AGXT2: variants seen among roughly 807,000 people sequenced by gnomAD.
The protein encoded by AGXT2 is alanine--glyoxylate aminotransferase 2, mitochondrial.
A neutral mutation model predicts 62.5 loss-of-function variants in AGXT2; 61 were observed. The observed-to-expected ratio is 0.98, with a 90% CI of 0.79 to 1.21. AGXT2 has a LOEUF of 1.21. Ranked by LOEUF, AGXT2 falls within the 50% of genes most tolerant of loss-of-function variation. The pLI is 0.00. For missense variants in AGXT2, 666 were observed against 641.5 expected, an observed-to-expected ratio of 1.04 and a Z score of -0.41; for synonymous variants, 243 against 218.7, an observed-to-expected ratio of 1.11 and a Z score of -0.98.
intron 9 of AGXT2, among the ~76,000 whole-genome samples, chr5:35,017,747 A>T (rs1172740287): frequency 6.6e-6 from 1 of 152,258 alleles, no homozygotes; most frequent in African/African-American, 2.4e-5. Context: ...AGTTGAGAGA[A>T]GAAGGCTTCA....
chr5:35,029,482 G>A (rs780648490), intron 7 of AGXT2, among the ~76,000 whole-genome samples: 15 of 152,120 alleles, frequency 9.9e-5, no homozygotes, highest in African/African-American at 1.9e-4. Context: ...ACTTTATTTC[G>A]CACTAGCTGC....
chr5:35,022,039 A>G (rs1276896725), intron 9 of AGXT2, among the ~76,000 whole-genome samples: 1 of 152,114 alleles, frequency 6.6e-6, no homozygotes, highest in Non-Finnish European at 1.5e-5. Flanking sequence ...ATCTCACACC[A>G]GTTAGAATGG....
intron 7 of AGXT2, among the ~76,000 whole-genome samples, chr5:35,029,864 A>G (rs1292394096): frequency 4.6e-5 from 7 of 152,156 alleles, no homozygotes; most frequent in African/African-American, 1.4e-4. Context: ...GGACAAATAA[A>G]TATACCATAT....
At chr5:35,012,610 A>G in intron 11 of AGXT2, 3 of 325,080 alleles carry the variant, frequency 9.2e-6, no homozygotes, top group South Asian at 8.7e-5. Context: ...GAAAAAATAC[A>G]CAAGAGAAGG....
chr5:35,013,340 A>T (rs895505390), intron 10 of AGXT2, among the ~76,000 whole-genome samples: 6 of 152,230 alleles, frequency 3.9e-5, no homozygotes, highest in South Asian at 2.1e-4. Context: ...TGGTTTTCTT[A>T]TAAGAAGAGG....
In AGXT2 at chr5:35,013,053, G is replaced by T; in HGVS notation, c.1097-8C>A. The T allele has an allele frequency of 6.4e-7, 1 of 1,551,188 alleles. No homozygotes were observed. The highest frequency in any genetic ancestry group is 1.2e-5 in the South Asian group (1 of 84,046). ...CCAAAGATTTGGCAATCTCTAGAGG[G>T]AGAAAATAGAAGGTGTGGAAAGAGG... On this transcript the variant is annotated splice_polypyrimidine_tract_variant and splice_region_variant and intron_variant, in intron 10 of 13. Coordinates refer to ENST00000231420, the MANE Select transcript of AGXT2 (RefSeq NM_031900.4).
intron 13 of AGXT2, among the ~76,000 whole-genome samples, chr5:35,003,060 A>G (rs1208065598): frequency 6.6e-6 from 1 of 152,128 alleles, no homozygotes; most frequent in Non-Finnish European, 1.5e-5. Context: ...CCCTGGGGAG[A>G]GGCTGTTGCT....
intron 7 of AGXT2, among the ~76,000 whole-genome samples, chr5:35,030,069 A>G (rs1767503552): frequency 6.6e-6 from 1 of 152,196 alleles, no homozygotes; most frequent in South Asian, 2.1e-4. Flanking sequence ...TGCTTTTGTA[A>G]ACATATATGA....
intron 7 of AGXT2, among the ~76,000 whole-genome samples, chr5:35,030,278 CG>C (rs1267746325): frequency 1.3e-5 from 2 of 152,090 alleles, no homozygotes. Flanking sequence ...GAGGCCAAGG[CG>C]AGCGGATCAC....
intron 11 of AGXT2, chr5:35,012,500 A>G (rs543689271): frequency 6.2e-6 from 1 of 161,350 alleles, no homozygotes. Context: ...GGCTAAATCA[A>G]TGGTGTAGGG....
intron 10 of AGXT2, 40 bp from the exon 11 acceptor site, chr5:35,013,085 T>A: frequency 6.6e-7 from 1 of 1,511,946 alleles, no homozygotes; most frequent in African/African-American, 1.4e-5. Context: ...GAGGGACACA[T>A]TCCTGTCCAC....
intron 1 of AGXT2, among the ~76,000 whole-genome samples, chr5:35,044,481 A>G (rs1768111131): frequency 6.6e-6 from 1 of 152,174 alleles, no homozygotes; most frequent in Non-Finnish European, 1.5e-5. Context: ...CTCTGGGTGC[A>G]AGGATGATGG....
intron 1 of AGXT2, among the ~76,000 whole-genome samples, chr5:35,045,779 T>C (rs564547165): frequency 1.3e-3 from 193 of 144,812 alleles, no homozygotes; most frequent in African/African-American, 4.7e-3. Context: ...TTTTTTTTTT[T>C]TTTTTTGAGA....
intron 12 of AGXT2, among the ~76,000 whole-genome samples, chr5:35,005,001 T>C (rs2112171083): frequency 6.6e-6 from 1 of 152,322 alleles, no homozygotes; most frequent in African/African-American, 2.4e-5. Context: ...TTCAGACTAT[T>C]GGATCAGAAA....
Position 35,047,939 on chromosome 5 carries a change from G to C in AGXT2, c.-47C>G. The C allele has an allele frequency of 6.2e-7, 1 of 1,612,022 alleles. No individual in the cohort carries two copies. The highest frequency in any genetic ancestry group is 2.2e-5 in the East Asian group (1 of 44,738). On this transcript the variant is annotated 5_prime_UTR_variant, in exon 1 of 14. Transcript: ENST00000231420. Reference sequence around the variant, plus strand: ...CCCCCATGGAAGCAGATTGGAGGCCGGGCTCTAACTGCTCACTATCCTGCT... The same window carrying C: ...CCCCCATGGAAGCAGATTGGAGGCCCGGCTCTAACTGCTCACTATCCTGCT...
At chr5:35,034,888 T>C (rs931259558) in intron 5 of AGXT2, among the ~76,000 whole-genome samples, 1 of 152,160 alleles carries the variant, frequency 6.6e-6, no homozygotes, top group Non-Finnish European at 1.5e-5. Flanking sequence ...GGAACAGTCA[T>C]TTACCACTTG....
In AGXT2 at chr5:35,014,019, C is replaced by A. The variant is rs1766749188; in HGVS notation, c.1064G>T (p.Gly355Val). 1 of 1,613,990 alleles carries A rather than the reference C, an allele frequency of 6.2e-7. No homozygotes were observed. The highest frequency in any genetic ancestry group is 1.3e-5 in the African/African-American group (1 of 74,892). Residue 355 changes from glycine to valine, a missense_variant, in exon 10 of 14, where the codon GGC (glycine) becomes GTC (valine). Physicochemically the swap from Gly to Val is moderately radical, Grantham distance 109. Coordinates refer to ENST00000231420, the MANE Select transcript of AGXT2 (RefSeq NM_031900.4). Reference sequence around the variant, plus strand: ...GGTTATGACTGCTGCCATGGGAAAGCCATTCCCAATCCCTTTAGCCATGGT... The same window carrying A: ...GGTTATGACTGCTGCCATGGGAAAGACATTCCCAATCCCTTTAGCCATGGT... ...IVTMAKGIGN[G>V]FPMAAVITTP...
At chr5:35,043,320 T>C (rs1036278161) in intron 1 of AGXT2, among the ~76,000 whole-genome samples, 2 of 152,142 alleles carry the variant, frequency 1.3e-5, no homozygotes, top group African/African-American at 4.8e-5. Context: ...AAAAAAAGAT[T>C]CTAAAATATT....
rs367861205 is a variant in AGXT2, at chr5:35,006,690, A to G, written c.1339-2829T>C. On this transcript the variant is annotated intron_variant, in intron 12 of 13. Transcript: ENST00000231420. ...GGACAAACATTCAAACCATGTCACC[A>G]GGTCAAAATGTATAGATATTTAAAA... 3.5e-4 allele frequency among the ~76,000 whole-genome samples: 53 copies of G among 152,310 alleles called. No individual in the cohort carries two copies. In the South Asian group the frequency reaches 0.011, roughly 31 times the overall value.
Sources: allele counts gnomAD v4.1 joint callset (sites outside exome capture counted in the v4.1 genomes callset), GRCh38; gene constraint gnomAD v4.1.1; transcripts MANE v1.5; gene names NCBI Gene and HGNC (gene_info 2026-07-23, HGNC 2026-07-21).